Variants in CYSLTR1 observed in about 807,000 individuals in gnomAD.
The protein encoded by CYSLTR1 is cysteinyl leukotriene receptor 1.
CYSLTR1 carries 1 observed loss-of-function variant against 2.1 expected under a neutral mutation model. That is an observed-to-expected ratio of 0.48 (90% CI 0.17 to 2.28). CYSLTR1 has a LOEUF of 2.28. Among genes scored for constraint, CYSLTR1 ranks in the 30% most tolerant of loss-of-function variants. The pLI is 0.26. For synonymous variants in CYSLTR1, 110 were observed against 89.6 expected (o/e 1.23, Z -1.28); for missense variants, 299 against 250.1 (o/e 1.20, Z -1.32).
chrX:78,313,178 G>A (rs1356137164), intron 1 of CYSLTR1, among the ~76,000 whole-genome samples: 1 of 111,874 alleles, frequency 8.9e-6, no homozygotes, highest in African/African-American at 3.3e-5. Flanking sequence ...GGACGGAGCT[G>A]GAGGCAATTA....
chrX:78,292,193 A>G (rs771306132), intron 1 of CYSLTR1, among the ~76,000 whole-genome samples: 1 of 112,141 alleles, frequency 8.9e-6, no homozygotes, highest in African/African-American at 3.2e-5. Context: ...GGTTTCAAAG[A>G]ACATCTTTAT....
intron 1 of CYSLTR1, among the ~76,000 whole-genome samples, chrX:78,285,133 T>C (rs1922006810): frequency 8.9e-6 from 1 of 111,737 alleles, no homozygotes. Context: ...GAATGTTGAA[T>C]GTATAAAAAT....
At chrX:78,278,854 AG>A (rs957025196) in intron 2 of CYSLTR1, among the ~76,000 whole-genome samples, 2 of 112,213 alleles carry the variant, frequency 1.8e-5, no homozygotes, top group Non-Finnish European at 3.8e-5. Flanking sequence ...CAAGCCATGG[AG>A]AAGTGACTTC....
At chrX:78,316,550 A>T (rs1013217597) in intron 1 of CYSLTR1, among the ~76,000 whole-genome samples, 3 of 111,928 alleles carry the variant, frequency 2.7e-5, no homozygotes, top group African/African-American at 9.8e-5. Flanking sequence ...GCACTATAGG[A>T]GCGAGGCTGG....
rs1179402422 is a variant in CYSLTR1 at position 78,272,663 on chromosome X, T to G, written c.*70A>C. 1 of 1,013,654 alleles carries G rather than the reference T, an allele frequency of 9.9e-7. No individual in the cohort carries two copies. The highest frequency in any genetic ancestry group is 1.9e-5 in the African/African-American group (1 of 51,848). The allele number at this position is 1,013,654 out of a possible 1,213,427, so 83.5% of individuals were successfully genotyped here. The stretch of plus-strand genomic sequence containing the variant: ...TATTAAGTAAAATTTTTATTTTTTT[T>G]GTAAATGATTTGACAAAATACTTAT... On this transcript the variant is annotated 3_prime_UTR_variant, in exon 3 of 3. Transcript: ENST00000373304.
At chrX:78,283,738 T>C (rs1302481673) in intron 1 of CYSLTR1, among the ~76,000 whole-genome samples, 198 bp from the exon 2 acceptor site, 1 of 112,091 alleles carries the variant, frequency 8.9e-6, no homozygotes, top group African/African-American at 3.2e-5. Flanking sequence ...AGGGGGAAAC[T>C]TGGAATACAG....
intron 1 of CYSLTR1, among the ~76,000 whole-genome samples, chrX:78,296,904 C>T (rs1922598555): frequency 9.0e-6 from 1 of 111,238 alleles, no homozygotes; most frequent in Non-Finnish European, 1.9e-5. Flanking sequence ...TCTGATTGCT[C>T]TAGCTAGGAT....
At chrX:78,287,356 C>A (rs1457943406) in intron 1 of CYSLTR1, among the ~76,000 whole-genome samples, 1 of 111,435 alleles carries the variant, frequency 9.0e-6, no homozygotes, top group Non-Finnish European at 1.9e-5. Context: ...TCTGAAATAT[C>A]CCAAAAAGAC....
chrX:78,308,782 C>A (rs1441148030), intron 1 of CYSLTR1, among the ~76,000 whole-genome samples: 2 of 111,710 alleles, frequency 1.8e-5, no homozygotes, highest in African/African-American at 6.5e-5. Context: ...AGGTTTCACT[C>A]ATCTTTGTGC....
intron 1 of CYSLTR1, among the ~76,000 whole-genome samples, chrX:78,314,074 G>A (rs1425230260): frequency 9.0e-6 from 1 of 111,482 alleles, no homozygotes; most frequent in East Asian, 2.8e-4. Context: ...TTAGCTTAAG[G>A]CAAGGACACG....
intron 1 of CYSLTR1, among the ~76,000 whole-genome samples, chrX:78,325,615 C>G (rs1923837453): frequency 9.0e-6 from 1 of 111,687 alleles, no homozygotes; most frequent in Admixed American, 9.5e-5. Context: ...CCCCGTTTCT[C>G]TCCCATTGAA....
chrX:78,271,849 T>C lies in CYSLTR1; in HGVS notation c.*884A>G, dbSNP rs940220176. The C allele has an allele frequency of 1.8e-5, 2 of 112,637 alleles. No individual in the cohort carries two copies. Among genetic ancestry groups the C allele is most frequent in the African/African-American group, 6.4e-5 (2 of 31,087 alleles). The allele number at this position is 112,637 out of a possible 1,213,427, so 9.3% of individuals were successfully genotyped here. ...TTCTTCATAAATCCTTTGTAGTTTA[T>C]TTTGATCCCAGCAATTGGCATATAG... On this transcript the variant is annotated 3_prime_UTR_variant, in exon 3 of 3. Transcript: ENST00000373304.
At chrX:78,277,163 T>C (rs1298702573) in intron 2 of CYSLTR1, among the ~76,000 whole-genome samples, 1 of 111,334 alleles carries the variant, frequency 9.0e-6, no homozygotes, top group African/African-American at 3.3e-5. Context: ...CATACTCCTC[T>C]AAGTAGCTTC....
At position 78,303,383 on chromosome X, in the gene CYSLTR1, A is replaced by C. The variant is rs185213696; in HGVS notation, c.-114-19843T>G. 2.3e-4 allele frequency among the ~76,000 whole-genome samples: 24 copies of C among 103,566 alleles called. 1 individual carries two copies. Among genetic ancestry groups the C allele is most frequent in the Admixed American group, 2.1e-3 (20 of 9,585 alleles). The allele number at this position is 103,566 out of a possible 115,157, so 89.9% of individuals were successfully genotyped here. ...CATTACAAAGTTAAAATCAGGTGCT[A>C]TGAGAGCTCACCTGATTTTTGGTTC... is the stretch of plus-strand genomic sequence containing the variant. On this transcript the variant is annotated intron_variant, in intron 1 of 2. Transcript: ENST00000373304.
intron 2 of CYSLTR1, among the ~76,000 whole-genome samples, chrX:78,276,644 A>G (rs1439265190): frequency 9.1e-6 from 1 of 110,440 alleles, no homozygotes; most frequent in African/African-American, 3.3e-5. Context: ...AAAAGTCATT[A>G]TTATTATTAT....
chrX:78,285,246 C>T (rs1922012854), intron 1 of CYSLTR1, among the ~76,000 whole-genome samples: 1 of 109,336 alleles, frequency 9.1e-6, no homozygotes, highest in African/African-American at 3.3e-5. Context: ...CGGTGAAACC[C>T]CGTCTCTACT....
At chrX:78,291,776 G>A in intron 1 of CYSLTR1, among the ~76,000 whole-genome samples, 1 of 111,007 alleles carries the variant, frequency 9.0e-6, no homozygotes, top group East Asian at 2.8e-4. Context: ...TTGTCTGATG[G>A]TAGTTTGTAT....
chrX:78,322,745 T>C (rs1219604309), intron 1 of CYSLTR1, among the ~76,000 whole-genome samples: 2 of 112,084 alleles, frequency 1.8e-5, no homozygotes, highest in Admixed American at 9.5e-5. Flanking sequence ...TTTCCAAGGA[T>C]ATGTATTCTC....
intron 1 of CYSLTR1, among the ~76,000 whole-genome samples, chrX:78,311,959 T>C (rs1413169524): frequency 1.8e-5 from 2 of 112,155 alleles, no homozygotes; most frequent in Non-Finnish European, 3.8e-5. Context: ...CAATGTTATT[T>C]TTCACAGTTA....
Sources: allele counts gnomAD v4.1 joint callset (sites outside exome capture counted in the v4.1 genomes callset), GRCh38; gene constraint gnomAD v4.1.1; transcripts MANE v1.5; gene names NCBI Gene and HGNC (gene_info 2026-07-23, HGNC 2026-07-21).